Variants in SGMS1 observed in about 807,000 individuals in gnomAD.
SGMS1 encodes phosphatidylcholine:ceramide cholinephosphotransferase 1.
Under a neutral mutation model 46.2 loss-of-function variants are expected in SGMS1, and 13 were observed. The observed-to-expected ratio is 0.28, with a 90% confidence interval of 0.18 to 0.45. The LOEUF is 0.45. Among genes scored for constraint, SGMS1 ranks in the 20% least tolerant of loss-of-function variants. SGMS1 has a pLI of 1.00. For missense variants in SGMS1, 324 were observed against 519.9 expected (o/e 0.62, Z 3.66); for synonymous variants, 203 against 187.8 (o/e 1.08, Z -0.66).
chr10:50,551,935 G>T (rs1235325193), intron 2 of SGMS1, among the ~76,000 whole-genome samples: 3 of 152,112 alleles, frequency 2.0e-5, no homozygotes, highest in Admixed American at 1.3e-4. Context: ...TTATATCAGG[G>T]TTGGCAAACT....
chr10:50,550,236 CACTA>C (rs1483227172), intron 2 of SGMS1, among the ~76,000 whole-genome samples: 1 of 152,186 alleles, frequency 6.6e-6, no homozygotes, highest in Admixed American at 6.5e-5. Flanking sequence ...ACTGCTTAAT[CACTA>C]ACTTTCTTTT....
chr10:50,459,507 G>A (rs1306521101), intron 5 of SGMS1, among the ~76,000 whole-genome samples: 2 of 152,080 alleles, frequency 1.3e-5, no homozygotes, highest in African/African-American at 4.8e-5. Flanking sequence ...GGGTTCAAGT[G>A]ATTCTCCTGC....
chr10:50,605,025 C>A (rs146891418), intron 1 of SGMS1, among the ~76,000 whole-genome samples: 9 of 152,186 alleles, frequency 5.9e-5, no homozygotes, highest in Non-Finnish European at 1.3e-4. Flanking sequence ...AGGCCTATAA[C>A]GGTACAAAAC....
At chr10:50,566,744 G>T (rs1227684719) in intron 2 of SGMS1, among the ~76,000 whole-genome samples, 1 of 152,160 alleles carries the variant, frequency 6.6e-6, no homozygotes, top group African/African-American at 2.4e-5. Flanking sequence ...CAGGGGATTG[G>T]TTTCAGGACC....
chr10:50,583,224 T>C (rs1235400548), intron 2 of SGMS1, among the ~76,000 whole-genome samples: 1 of 152,204 alleles, frequency 6.6e-6, no homozygotes, highest in Non-Finnish European at 1.5e-5. Context: ...TTTAATCACT[T>C]CTTTATCCTG....
chr10:50,419,213 A>G (rs1439773058), intron 6 of SGMS1, among the ~76,000 whole-genome samples: 2 of 152,218 alleles, frequency 1.3e-5, no homozygotes, highest in Non-Finnish European at 2.9e-5. Context: ...CAATGCATGC[A>G]AAGCATTTAC....
At chr10:50,567,721 C>A (rs1018525868) in intron 2 of SGMS1, among the ~76,000 whole-genome samples, 6 of 152,272 alleles carry the variant, frequency 3.9e-5, no homozygotes, top group African/African-American at 1.4e-4. Flanking sequence ...TTGTTTTAGA[C>A]ACATCACAAA....
intron 2 of SGMS1, among the ~76,000 whole-genome samples, chr10:50,563,765 A>AAG (rs1554792707): frequency 8.9e-4 from 134 of 150,904 alleles, no homozygotes; most frequent in African/African-American, 3.1e-3. Flanking sequence ...AAAAAAAAAA[A>AAG]AGAAACTCTT....
At chr10:50,550,138 G>A (rs1275560208) in intron 2 of SGMS1, among the ~76,000 whole-genome samples, 1 of 152,224 alleles carries the variant, frequency 6.6e-6, no homozygotes, top group Non-Finnish European at 1.5e-5. Flanking sequence ...AAAGGAGACT[G>A]CACACATTAG....
chr10:50,550,183 A>G (rs147164862), intron 2 of SGMS1, among the ~76,000 whole-genome samples: 27 of 152,310 alleles, frequency 1.8e-4, no homozygotes, highest in African/African-American at 6.3e-4. Flanking sequence ...TTTTAAGACA[A>G]TCTACTTTTT....
intron 2 of SGMS1, among the ~76,000 whole-genome samples, chr10:50,582,309 A>AG (rs1366031816): frequency 6.6e-6 from 1 of 152,216 alleles, no homozygotes; most frequent in Non-Finnish European, 1.5e-5. Context: ...CTGAGTCTCG[A>AG]GAAAAAAATC....
chr10:50,501,610 C>T (rs1837662394), intron 3 of SGMS1, among the ~76,000 whole-genome samples: 1 of 152,080 alleles, frequency 6.6e-6, no homozygotes, highest in South Asian at 2.1e-4. Context: ...TGAATATGGA[C>T]AAAATGTGAA....
chr10:50,389,956 A>G (rs532142563), intron 6 of SGMS1, among the ~76,000 whole-genome samples: 1 of 152,322 alleles, frequency 6.6e-6, no homozygotes, highest in Admixed American at 6.5e-5. Flanking sequence ...TAGTTAACCA[A>G]TGACTTTGAA....
chr10:50,549,004 A>G (rs1354377821), intron 2 of SGMS1, among the ~76,000 whole-genome samples: 1 of 152,254 alleles, frequency 6.6e-6, no homozygotes, highest in Non-Finnish European at 1.5e-5. Flanking sequence ...ATACCAACTC[A>G]TGCCAGTCAG....
chr10:50,556,226 A>T (rs1179203441), intron 2 of SGMS1, among the ~76,000 whole-genome samples: 1 of 152,200 alleles, frequency 6.6e-6, no homozygotes, highest in Non-Finnish European at 1.5e-5. Flanking sequence ...TCATTTAACA[A>T]ATAACTACAG....
intron 6 of SGMS1, among the ~76,000 whole-genome samples, chr10:50,406,330 T>C (rs1849014216): frequency 6.6e-6 from 1 of 152,228 alleles, no homozygotes; most frequent in Admixed American, 6.5e-5. Context: ...CTGTCGGATG[T>C]GCAGCTTCTC....
chr10:50,323,386 CCT>C (rs1423155550), intron 8 of SGMS1, among the ~76,000 whole-genome samples: 17 of 152,126 alleles, frequency 1.1e-4, no homozygotes, highest in Non-Finnish European at 1.9e-4. Context: ...AACTCTCCTC[CCT>C]TACAGTTTAG....
chr10:50,311,817 TG>T (rs1244256913), intron 8 of SGMS1, among the ~76,000 whole-genome samples: 2 of 152,238 alleles, frequency 1.3e-5, no homozygotes, highest in Non-Finnish European at 2.9e-5. Context: ...ATTTTTATCA[TG>T]GTTGGCCTAG....
chr10:50,451,457 T>C (rs1837108444), intron 5 of SGMS1, among the ~76,000 whole-genome samples: 1 of 152,232 alleles, frequency 6.6e-6, no homozygotes, highest in Admixed American at 6.5e-5. Flanking sequence ...TCAACATTTA[T>C]TCCATTTAAT....
Sources: gnomAD v4.1 joint callset for allele counts (sites outside exome capture counted in the v4.1 genomes callset) on GRCh38, gnomAD v4.1.1 for gene constraint, MANE v1.5 for transcripts, NCBI Gene and HGNC (gene_info 2026-07-23, HGNC 2026-07-21) for gene names.